The following SDK1 variants were observed in gnomAD, a reference collection of about 807,000 sequenced individuals.
SDK1 encodes sidekick cell adhesion molecule 1.
Under a neutral mutation model 245.5 loss-of-function variants are expected in SDK1, and 157 were observed. The observed-to-expected ratio is 0.64, with a 90% CI of 0.56 to 0.73. SDK1 has a LOEUF of 0.73. SDK1 is among the 30% of genes least tolerant of loss of function. The pLI, the probability that SDK1 is intolerant of heterozygous loss-of-function variation, is 0.00. For synonymous variants in SDK1, 1,647 were observed against 1,278.5 expected, an observed-to-expected ratio of 1.29 and a Z score of -6.15; for missense variants, 3,583 against 3,002.3, an observed-to-expected ratio of 1.19 and a Z score of -4.52.
chr7:4,074,856 T>TACTTTCTCTCTCTCTC lies in SDK1; in HGVS notation c.3011-2142_3011-2141insACTTTCTCTCTCTCTC, dbSNP rs1486926440. Among the ~76,000 whole-genome samples the TACTTTCTCTCTCTCTC allele has an allele frequency of 4.9e-3, 346 of 70,726 alleles. 16 individuals are homozygous for TACTTTCTCTCTCTCTC. The highest frequency in any genetic ancestry group is 0.017 in the Middle Eastern group (2 of 120). 46.4% of individuals were successfully genotyped at this position (70,726 alleles called of 152,430 possible). ...CCAGCCTGGGCAACAGAGCAAGACT[T>TACTTTCTCTCTCTCTC]TCTCTCTCTCTCTCTCTCTCTCTCT... On this transcript the variant is annotated intron_variant, in intron 20 of 44. Transcript: ENST00000404826.
chr7:3,743,750 A>G (rs1779540405), intron 4 of SDK1, among the ~76,000 whole-genome samples: 1 of 152,160 alleles, frequency 6.6e-6, no homozygotes, highest in Non-Finnish European at 1.5e-5. Context: ...TGTGTACGAA[A>G]AAAATGATAT....
At chr7:3,986,728 G>A (rs1562623196) in intron 13 of SDK1, among the ~76,000 whole-genome samples, 1 of 152,156 alleles carries the variant, frequency 6.6e-6, no homozygotes, top group Non-Finnish European at 1.5e-5. Context: ...GGGCATGGTG[G>A]CAGGCGCCTA....
At chr7:3,714,027 A>G (rs1288610503) in intron 4 of SDK1, among the ~76,000 whole-genome samples, 1 of 152,238 alleles carries the variant, frequency 6.6e-6, no homozygotes, top group African/African-American at 2.4e-5. Context: ...CAGATGAGAA[A>G]CATTTTGAGA....
chr7:4,203,461 C>G (rs1784008295), intron 35 of SDK1, among the ~76,000 whole-genome samples: 1 of 152,034 alleles, frequency 6.6e-6, no homozygotes, highest in Non-Finnish European at 1.5e-5. Flanking sequence ...TGCAGGCAAT[C>G]TCCCTAGCAG....
At chr7:3,573,377 A>C (rs186704768) in intron 1 of SDK1, among the ~76,000 whole-genome samples, 1 of 152,118 alleles carries the variant, frequency 6.6e-6, no homozygotes, top group African/African-American at 2.4e-5. Context: ...TGAGCAGAGC[A>C]CCCTTCTCTG....
At chr7:3,934,131 G>A (rs1006243661) in intron 5 of SDK1, among the ~76,000 whole-genome samples, 29 of 152,282 alleles carry the variant, frequency 1.9e-4, no homozygotes, top group African/African-American at 7.0e-4. Context: ...GTTGAACAGT[G>A]GTATCTGTAG....
Position 4,210,022 on chromosome 7 carries a change from C to T in SDK1, c.5402-3C>T. ...AAAGTCACTTTGTGTTCTATTCTCC[C>T]AGCCCCTGGGGCCCCCAGCTTTCTG... On this transcript the variant is annotated splice_polypyrimidine_tract_variant and splice_region_variant and intron_variant, in intron 37 of 44. Coordinates refer to ENST00000404826, the MANE Select transcript of SDK1 (RefSeq NM_152744.4). The T allele has an allele frequency of 6.4e-7, 1 of 1,574,622 alleles. No individual in the cohort carries two copies. Among genetic ancestry groups the T allele is most frequent in the Non-Finnish European group, 8.6e-7 (1 of 1,161,796 alleles).
At chr7:3,703,253 G>A (rs1234061012) in intron 4 of SDK1, among the ~76,000 whole-genome samples, 1 of 152,098 alleles carries the variant, frequency 6.6e-6, no homozygotes, top group Non-Finnish European at 1.5e-5. Flanking sequence ...AAATTATGGT[G>A]CATTCATGTC....
intron 1 of SDK1, among the ~76,000 whole-genome samples, chr7:3,618,680 A>C (rs1056698206): frequency 6.6e-6 from 1 of 152,216 alleles, no homozygotes; most frequent in African/African-American, 2.4e-5. Context: ...TTTTAAAACC[A>C]ATTGAAGGTT....
intron 5 of SDK1, among the ~76,000 whole-genome samples, chr7:3,938,325 T>G (rs937368671): frequency 1.3e-5 from 2 of 152,242 alleles, no homozygotes; most frequent in East Asian, 3.9e-4. Flanking sequence ...AGTGGGAGAT[T>G]ATGCATTTAT....
At chr7:3,538,637 T>A (rs892103217) in intron 1 of SDK1, among the ~76,000 whole-genome samples, 17 of 152,202 alleles carry the variant, frequency 1.1e-4, no homozygotes, top group Non-Finnish European at 5.9e-5. Flanking sequence ...TTCCTTCTAA[T>A]GGGAGAACTG....
chr7:3,418,333 C>T (rs1265928909), intron 1 of SDK1, among the ~76,000 whole-genome samples: 3 of 151,812 alleles, frequency 2.0e-5, no homozygotes, highest in Non-Finnish European at 4.4e-5. Context: ...AAACAACTCC[C>T]AAGGCATTAT....
At chr7:3,670,692 T>C (rs534154501) in intron 4 of SDK1, among the ~76,000 whole-genome samples, 30 of 152,294 alleles carry the variant, frequency 2.0e-4, no homozygotes, top group Non-Finnish European at 4.0e-4. Flanking sequence ...TCCCCACTTA[T>C]ACAGGATACC....
intron 4 of SDK1, among the ~76,000 whole-genome samples, chr7:3,760,954 A>G (rs1247107213): frequency 6.6e-6 from 1 of 152,190 alleles, no homozygotes; most frequent in Non-Finnish European, 1.5e-5. Flanking sequence ...TCATCTGTTG[A>G]AGAATGTTTT....
At chr7:3,893,765 T>A (rs779950027) in intron 5 of SDK1, among the ~76,000 whole-genome samples, 69 of 151,596 alleles carry the variant, frequency 4.6e-4, no homozygotes, top group Non-Finnish European at 8.4e-4. Flanking sequence ...CTTCTCCACA[T>A]CTTACCCTGC....
chr7:3,985,534 C>T (rs1783756163), intron 13 of SDK1, among the ~76,000 whole-genome samples: 1 of 152,128 alleles, frequency 6.6e-6, no homozygotes, highest in African/African-American at 2.4e-5. Flanking sequence ...TGCTTATAAT[C>T]CCAGCACTTC....
intron 1 of SDK1, among the ~76,000 whole-genome samples, chr7:3,537,304 T>C (rs890600605): frequency 9.9e-5 from 15 of 152,234 alleles, no homozygotes; most frequent in Non-Finnish European, 1.2e-4. Context: ...CCCATTGTTC[T>C]TCTTTTCTTA....
chr7:4,202,136 C>T lies in SDK1; in HGVS notation c.5099-3743C>T, dbSNP rs141240225. ...CTAGCTGGACATGCTCTCTGGGCCC[C>T]GACCCTGTCCCCACACTCCGCCTGG... On this transcript the variant is annotated intron_variant, in intron 35 of 44. Transcript: ENST00000404826. Among the ~76,000 whole-genome samples the T allele has an allele frequency of 3.5e-3, 533 of 152,234 alleles. 3 individuals carry two copies. Among genetic ancestry groups the T allele is most frequent in the African/African-American group, 0.012 (497 of 41,532 alleles).
At chr7:3,537,285 C>A (rs1193444298) in intron 1 of SDK1, among the ~76,000 whole-genome samples, 1 of 152,330 alleles carries the variant, frequency 6.6e-6, no homozygotes, top group South Asian at 2.1e-4. Flanking sequence ...TTATGACTGT[C>A]TTAAAATACC....
Sources: gnomAD v4.1 joint callset for allele counts (sites outside exome capture counted in the v4.1 genomes callset) on GRCh38, gnomAD v4.1.1 for gene constraint, MANE v1.5 for transcripts, NCBI Gene and HGNC (gene_info 2026-07-23, HGNC 2026-07-21) for gene names.